The following GRB2 variants were observed in gnomAD, a reference collection of about 807,000 sequenced individuals.
The protein encoded by GRB2 is growth factor receptor bound protein 2, also known as growth factor receptor-bound protein 2.
A neutral mutation model predicts 27.4 loss-of-function variants in GRB2; 2 were observed. That is an observed-to-expected ratio of 0.07 (90% CI 0.03 to 0.23). GRB2 has a LOEUF of 0.23. GRB2 is among the 10% of genes least tolerant of loss of function. The pLI, the probability that GRB2 is intolerant of heterozygous loss-of-function variation, is 1.00. For synonymous variants in GRB2, 94 were observed against 99.6 expected (o/e 0.94, Z 0.33); for missense variants, 102 against 282.4 (o/e 0.36, Z 4.58).
In GRB2 at chr17:75,363,779, G is replaced by C. The variant is rs375864579; in HGVS notation, c.78+29772C>G. On this transcript the variant is annotated intron_variant, in intron 2 of 5. Transcript: ENST00000316804. ...GGAGGCTGAGGCAGGAGAATGGCGT[G>C]AACCCGGGAGGTGGAGATTGCAGCA... is the stretch of plus-strand genomic sequence containing the variant. Among the ~76,000 whole-genome samples, 25 of 149,516 alleles carry C rather than the reference G, an allele frequency of 1.7e-4. No individual in the cohort carries two copies. The East Asian group carries it at 3.3e-3, about 20-fold the overall frequency.
intron 2 of GRB2, among the ~76,000 whole-genome samples, chr17:75,379,502 A>T (rs1206432580): frequency 6.6e-6 from 1 of 151,854 alleles, no homozygotes; most frequent in African/African-American, 2.4e-5. Context: ...GGGCTCAAGC[A>T]GTCTTCCCAC....
chr17:75,397,553 C>T (rs1232888106), intron 1 of GRB2, among the ~76,000 whole-genome samples: 4 of 152,258 alleles, frequency 2.6e-5, no homozygotes, highest in Admixed American at 2.0e-4. Flanking sequence ...TTCCATTTAA[C>T]TCTCTTCTTC....
chr17:75,344,546 C>T (rs546156329), intron 2 of GRB2: 2 of 152,118 alleles, frequency 1.3e-5, no homozygotes, highest in South Asian at 4.2e-4. Context: ...GTGCCTGCCA[C>T]CAAGCTGGCT....
At chr17:75,346,305 C>A (rs1215074739) in intron 2 of GRB2, among the ~76,000 whole-genome samples, 1 of 151,792 alleles carries the variant, frequency 6.6e-6, no homozygotes, top group Non-Finnish European at 1.5e-5. Flanking sequence ...ACCCGCCTGG[C>A]CAACATGGTA....
chr17:75,352,679 C>T (rs2078700079), intron 2 of GRB2, among the ~76,000 whole-genome samples: 2 of 152,270 alleles, frequency 1.3e-5, no homozygotes, highest in South Asian at 4.1e-4. Context: ...CAGCTACAGC[C>T]TGGTATCACT....
rs375331201 is a variant in GRB2, at chr17:75,391,676, C to T, written c.78+1875G>A. On this transcript the variant is annotated intron_variant, in intron 2 of 5. Transcript: ENST00000316804. ...TCAAAAAATTAGCCGGGCGTGGTGG[C>T]GGGCGCCTGTAGTCCCGGCTACTCG... Among the ~76,000 whole-genome samples, 76 of 152,020 alleles carry T rather than the reference C, an allele frequency of 5.0e-4. 1 individual carries two copies. The highest frequency in any genetic ancestry group is 1.7e-3 in the African/African-American group (71 of 41,482).
At chr17:75,403,155 A>T (rs920217823) in intron 1 of GRB2, among the ~76,000 whole-genome samples, 26 of 145,544 alleles carry the variant, frequency 1.8e-4, no homozygotes, top group African/African-American at 5.7e-4. Flanking sequence ...GACCAAAAAA[A>T]ATATATATAT....
chr17:75,398,061 C>G (rs2079039759), intron 1 of GRB2, among the ~76,000 whole-genome samples: 1 of 151,922 alleles, frequency 6.6e-6, no homozygotes, highest in African/African-American at 2.4e-5. Context: ...AGGCTGGTCT[C>G]AAACTCCCAC....
Position 75,393,157 on chromosome 17 carries a change from A to C in GRB2, c.78+394T>G, listed in dbSNP as rs577607310. Among the ~76,000 whole-genome samples the C allele has an allele frequency of 5.9e-5, 9 of 152,360 alleles. No individual in the cohort carries two copies. In the South Asian group the frequency reaches 1.9e-3, roughly 32 times the overall value. ...AACGCAAAATCCTTTGGCTATACAA[A>C]GTAAGACTAACTGAATGCTTTTACA... is the stretch of plus-strand genomic sequence containing the variant. On this transcript the variant is annotated intron_variant, in intron 2 of 5. Coordinates refer to ENST00000316804, the MANE Select transcript of GRB2 (RefSeq NM_002086.5).
At chr17:75,403,407 T>C (rs1033359364) in intron 1 of GRB2, among the ~76,000 whole-genome samples, 2 of 152,016 alleles carry the variant, frequency 1.3e-5, no homozygotes, top group African/African-American at 2.4e-5. Context: ...CATCAACCAG[T>C]AGTATTTAAA....
chr17:75,397,771 A>C (rs890118659), intron 1 of GRB2, among the ~76,000 whole-genome samples: 1 of 152,136 alleles, frequency 6.6e-6, no homozygotes, highest in East Asian at 1.9e-4. Flanking sequence ...TATATAACAT[A>C]CATTAAGTGC....
intron 2 of GRB2, among the ~76,000 whole-genome samples, chr17:75,358,713 A>C (rs1191949346): frequency 8.8e-4 from 129 of 146,438 alleles, no homozygotes; most frequent in Non-Finnish European, 1.4e-3. Context: ...AAAAAAAAAA[A>C]AAAAAAAAAA....
At chr17:75,375,000 A>T (rs1391687343) in intron 2 of GRB2, among the ~76,000 whole-genome samples, 1 of 152,112 alleles carries the variant, frequency 6.6e-6, no homozygotes, top group Non-Finnish European at 1.5e-5. Context: ...AACTCAAGTC[A>T]TCCTCCTGCC....
In GRB2 at chr17:75,362,492, T is replaced by C. The variant is rs1326512114; in HGVS notation, c.79-29695A>G. On this transcript the variant is annotated intron_variant, in intron 2 of 5. Coordinates refer to ENST00000316804, the MANE Select transcript of GRB2 (RefSeq NM_002086.5). The stretch of plus-strand genomic sequence containing the variant: ...ACGTAAGTCAGAAACTATTAACAAG[T>C]TGGGAGCCAAAAGATATTTTTTGAT... Among the ~76,000 whole-genome samples the C allele has an allele frequency of 1.3e-5, 2 of 152,282 alleles. 1 individual carries two copies. Among genetic ancestry groups the C allele is most frequent in the Middle Eastern group, 6.8e-3 (2 of 294 alleles).
intron 2 of GRB2, chr17:75,371,609 G>C (rs146781424): frequency 6.6e-6 from 1 of 152,014 alleles, no homozygotes; most frequent in Non-Finnish European, 1.5e-5. Context: ...GCAGCAAAGG[G>C]GAACCCGAGG....
At chr17:75,336,432 C>T (rs2078577264) in intron 2 of GRB2, among the ~76,000 whole-genome samples, 2 of 152,128 alleles carry the variant, frequency 1.3e-5, no homozygotes, top group Non-Finnish European at 2.9e-5. Flanking sequence ...CAAAACAGAA[C>T]AAAGTAATCA....
chr17:75,346,298 C>A (rs142536948), intron 2 of GRB2, among the ~76,000 whole-genome samples: 4 of 151,666 alleles, frequency 2.6e-5, no homozygotes, highest in Non-Finnish European at 5.9e-5. Context: ...GTTCAAGACC[C>A]GCCTGGCCAA....
chr17:75,327,160 G>A (rs541212492), intron 3 of GRB2, among the ~76,000 whole-genome samples: 39 of 145,424 alleles, frequency 2.7e-4, no homozygotes, highest in African/African-American at 6.6e-4. Flanking sequence ...TCTGCCTCCC[G>A]GGTTCACGCC....
intron 2 of GRB2, among the ~76,000 whole-genome samples, chr17:75,337,572 ATT>A (rs5822084): frequency 6.4e-4 from 84 of 130,896 alleles, no homozygotes; most frequent in East Asian, 1.6e-3. Context: ...TACTGTTACT[ATT>A]TTTTTTTTTT....
Sources: allele counts gnomAD v4.1 joint callset (sites outside exome capture counted in the v4.1 genomes callset), GRCh38; gene constraint gnomAD v4.1.1; transcripts MANE v1.5; gene names NCBI Gene and HGNC (gene_info 2026-07-23, HGNC 2026-07-21).